SHISA6: variants seen among roughly 807,000 people sequenced by gnomAD.
SHISA6 encodes the protein protein shisa-6.
A neutral mutation model predicts 47.9 loss-of-function variants in SHISA6; 22 were observed. The observed-to-expected ratio is 0.46, with a 90% CI of 0.33 to 0.66. The LOEUF is 0.66. SHISA6 is among the 30% of genes least tolerant of loss of function. The pLI is 0.02. For synonymous variants in SHISA6, 388 were observed against 337.8 expected (o/e 1.15, Z -1.63); for missense variants, 680 against 764.6 (o/e 0.89, Z 1.30).
intron 3 of SHISA6, among the ~76,000 whole-genome samples, chr17:11,462,740 G>A (rs868076841): frequency 3.4e-4 from 51 of 152,086 alleles, no homozygotes; most frequent in African/African-American, 1.2e-3. Context: ...CAATTTTCCT[G>A]CCTCAGCCTC....
intron 3 of SHISA6, among the ~76,000 whole-genome samples, chr17:11,411,983 T>A (rs2142273379): frequency 6.6e-6 from 1 of 152,308 alleles, no homozygotes; most frequent in East Asian, 1.9e-4. Context: ...TCATTTAGTT[T>A]CCTTTTCCCC....
intron 1 of SHISA6, among the ~76,000 whole-genome samples, chr17:11,262,554 T>C (rs1236470896): frequency 6.6e-6 from 1 of 152,222 alleles, no homozygotes; most frequent in Non-Finnish European, 1.5e-5. Flanking sequence ...ATGGCAGGAA[T>C]TGGGTCCCAT....
intron 3 of SHISA6, among the ~76,000 whole-genome samples, chr17:11,526,066 G>A (rs558416946): frequency 6.2e-4 from 94 of 151,516 alleles, no homozygotes; most frequent in Non-Finnish European, 4.4e-4. Flanking sequence ...CGAAGTGAAG[G>A]TCAGTAAAAG....
intron 3 of SHISA6, among the ~76,000 whole-genome samples, chr17:11,512,132 T>C (rs547558891): frequency 5.9e-5 from 9 of 152,354 alleles, no homozygotes; most frequent in African/African-American, 1.9e-4. Context: ...CCCTTTGATT[T>C]TGAAGAAAGT....
At chr17:11,276,221 G>A (rs891315644) in intron 2 of SHISA6, among the ~76,000 whole-genome samples, 39 of 151,998 alleles carry the variant, frequency 2.6e-4, no homozygotes, top group African/African-American at 8.7e-4. Context: ...CAAGTGATCC[G>A]CCCGTCTCAG....
At chr17:11,323,130 C>T (rs1371784352) in intron 2 of SHISA6, among the ~76,000 whole-genome samples, 2 of 152,138 alleles carry the variant, frequency 1.3e-5, no homozygotes, top group Non-Finnish European at 2.9e-5. Context: ...CTTGGAATTC[C>T]ATTCTGTTCC....
intron 1 of SHISA6, among the ~76,000 whole-genome samples, chr17:11,257,716 GGAA>G (rs1402670645): frequency 6.6e-6 from 1 of 151,586 alleles, no homozygotes; most frequent in African/African-American, 2.4e-5. Context: ...AGGCAGGAAG[GGAA>G]GAAAGAGGAA....
intron 3 of SHISA6, among the ~76,000 whole-genome samples, chr17:11,381,639 A>G (rs957412350): frequency 2.0e-5 from 3 of 152,186 alleles, no homozygotes; most frequent in African/African-American, 7.2e-5. Flanking sequence ...TCATGCATTT[A>G]TCCAATAGTG....
intron 3 of SHISA6, among the ~76,000 whole-genome samples, chr17:11,436,980 G>T (rs1007146997): frequency 6.6e-6 from 1 of 152,184 alleles, no homozygotes; most frequent in Middle Eastern, 3.2e-3. Flanking sequence ...TGTATATCAC[G>T]TGTTGCTTAA....
chr17:11,494,895 T>G (rs940854118), intron 3 of SHISA6, among the ~76,000 whole-genome samples: 3 of 152,166 alleles, frequency 2.0e-5, no homozygotes, highest in African/African-American at 7.2e-5. Context: ...TCAAAATGTC[T>G]GGAGTCGGGA....
intron 2 of SHISA6, among the ~76,000 whole-genome samples, chr17:11,269,457 G>A (rs1276565817): frequency 2.6e-5 from 4 of 152,174 alleles, no homozygotes; most frequent in African/African-American, 9.7e-5. Flanking sequence ...TGGGCTCAGA[G>A]GGACTGTTAC....
intron 2 of SHISA6, among the ~76,000 whole-genome samples, chr17:11,319,859 A>G (rs9899974): frequency 0.74 from 111,945 of 152,186 alleles, 41,349 homozygotes; most frequent in Middle Eastern, 0.77. Context: ...GGCAGAAAGT[A>G]CATGTAAACA....
chr17:11,277,274 T>TCACA (rs1908945036), intron 2 of SHISA6, among the ~76,000 whole-genome samples: 1 of 64,694 alleles, frequency 1.5e-5, no homozygotes, highest in African/African-American at 5.1e-5. Context: ...TCTCTCTCTC[T>TCACA]CTCTCTCACA....
chr17:11,254,343 C>T (rs1477249077), intron 1 of SHISA6, among the ~76,000 whole-genome samples: 13 of 152,206 alleles, frequency 8.5e-5, no homozygotes. Context: ...GCCCTCAGCA[C>T]ACCTGAAAGA....
At chr17:11,311,347 C>CT (rs1910336669) in intron 2 of SHISA6, among the ~76,000 whole-genome samples, 1 of 149,304 alleles carries the variant, frequency 6.7e-6, no homozygotes, top group African/African-American at 2.5e-5. Flanking sequence ...GGACAGGAAA[C>CT]TAAGTATTTT....
At chr17:11,378,054 G>A (rs555900196) in intron 2 of SHISA6, among the ~76,000 whole-genome samples, 1 of 152,142 alleles carries the variant, frequency 6.6e-6, no homozygotes, top group East Asian at 1.9e-4. Flanking sequence ...TCTCCTCCTC[G>A]TCCCCCAACT....
chr17:11,550,340 C>T (rs2142386457), intron 3 of SHISA6, among the ~76,000 whole-genome samples: 1 of 152,266 alleles, frequency 6.6e-6, no homozygotes, highest in South Asian at 2.1e-4. Context: ...CAGGTGTGAG[C>T]CACTGCGCCC....
chr17:11,449,755 A>G (rs954318695), intron 3 of SHISA6, among the ~76,000 whole-genome samples: 1 of 152,224 alleles, frequency 6.6e-6, no homozygotes, highest in Non-Finnish European at 1.5e-5. Flanking sequence ...GAGGGCTCCA[A>G]GGGAAAATCT....
At chr17:11,350,480 G>A (rs1418133240) in intron 2 of SHISA6, among the ~76,000 whole-genome samples, 3 of 151,808 alleles carry the variant, frequency 2.0e-5, no homozygotes, top group Non-Finnish European at 1.5e-5. Context: ...GTGCCCAGCC[G>A]AGGACCCATT....
Sources: allele counts gnomAD v4.1 joint callset (sites outside exome capture counted in the v4.1 genomes callset), GRCh38; gene constraint gnomAD v4.1.1; transcripts MANE v1.5; gene names NCBI Gene and HGNC (gene_info 2026-07-23, HGNC 2026-07-21).